The following GLIPR1L1 variants were observed in gnomAD, a reference collection of about 807,000 sequenced individuals.
GLIPR1L1 encodes GLIPR1 like 1, also known as GLIPR1-like protein 1.
A neutral mutation model predicts 29.9 loss-of-function variants in GLIPR1L1; 26 were observed. The ratio of observed to expected loss-of-function variants is 0.87; its 90% confidence interval spans 0.64 to 1.21. The LOEUF (loss-of-function observed/expected upper bound fraction) is 1.21. Ranked by LOEUF, GLIPR1L1 falls within the 50% of genes most tolerant of loss-of-function variation. GLIPR1L1 has a pLI of 0.00. For missense variants in GLIPR1L1, 305 were observed against 290.3 expected (o/e 1.05, Z -0.37); for synonymous variants, 77 against 97.5 (o/e 0.79, Z 1.24).
intron 3 of GLIPR1L1, among the ~76,000 whole-genome samples, chr12:75,355,455 A>G (rs1479024559): frequency 6.6e-6 from 1 of 152,192 alleles, no homozygotes; most frequent in African/African-American, 2.4e-5. Context: ...GGCAATTATT[A>G]AAAAGTCCAG....
At chr12:75,365,258 G>A (rs373658671) in intron 4 of GLIPR1L1, 26 of 152,204 alleles carry the variant, frequency 1.7e-4, no homozygotes, top group African/African-American at 6.0e-4. Flanking sequence ...CATGATTCTG[G>A]TTTTCCTGGA....
Position 75,350,853 on chromosome 12 carries a change from G to A in GLIPR1L1, c.521+3131G>A, listed in dbSNP as rs117941150. On this transcript the variant is annotated intron_variant, in intron 3 of 5. Transcript: ENST00000378695. The stretch of plus-strand genomic sequence containing the variant: ...GAACTGGGATGAGGCTGAGATGGAC[G>A]AATTGACAAAAATAGGGTTCAGAAG... Among the ~76,000 whole-genome samples, 467 of 152,234 alleles carry A rather than the reference G, an allele frequency of 3.1e-3. 8 individuals are homozygous for A. The East Asian group carries it at 0.052, about 17-fold the overall frequency.
chr12:75,356,439 A>G (rs2139511499), intron 3 of GLIPR1L1, among the ~76,000 whole-genome samples: 1 of 152,326 alleles, frequency 6.6e-6, no homozygotes, highest in African/African-American at 2.4e-5. Flanking sequence ...AACCACCTTG[A>G]AGTTCTTCTA....
rs558661520 is a variant in GLIPR1L1 at position 75,363,327 on chromosome 12, G to A, written c.610+137G>A. On this transcript the variant is annotated intron_variant, in intron 4 of 5. Coordinates refer to ENST00000378695, the MANE Select transcript of GLIPR1L1 (RefSeq NM_001304964.2). ...GTTGTTATCTTACGATATAAATCATGTCATAAATTGTAATACTTAAACTCA... is the reference window on the plus strand; with the variant it reads ...GTTGTTATCTTACGATATAAATCATATCATAAATTGTAATACTTAAACTCA... 56 of 401,058 alleles carry A rather than the reference G, an allele frequency of 1.4e-4. No individual in the cohort carries two copies. The South Asian group carries it at 4.5e-3, about 32-fold the overall frequency. The allele number at this position is 401,058 out of a possible 1,614,324, so 24.8% of individuals were successfully genotyped here.
intron 3 of GLIPR1L1, among the ~76,000 whole-genome samples, chr12:75,358,894 A>G (rs2043350620): frequency 7.0e-6 from 1 of 143,874 alleles, no homozygotes. Context: ...TATATATTAC[A>G]TATAATTATA....
chr12:75,348,195 CA>C (rs1373605321), intron 3 of GLIPR1L1, among the ~76,000 whole-genome samples: 1 of 152,034 alleles, frequency 6.6e-6, no homozygotes, highest in Admixed American at 6.6e-5. Flanking sequence ...AGGGAAACTC[CA>C]AAAATGAAAT....
At chr12:75,339,581 A>G (rs2041965259) in intron 1 of GLIPR1L1, among the ~76,000 whole-genome samples, 1 of 152,136 alleles carries the variant, frequency 6.6e-6, no homozygotes, top group South Asian at 2.1e-4. Flanking sequence ...GCCGTACAGA[A>G]GCTCTTTAAT....
At chr12:75,349,699 G>GA (rs1014292877) in intron 3 of GLIPR1L1, among the ~76,000 whole-genome samples, 2 of 152,034 alleles carry the variant, frequency 1.3e-5, no homozygotes, top group African/African-American at 2.4e-5. Context: ...AGACATTCCA[G>GA]AAAAAAAGAT....
At chr12:75,369,439 G>A in intron 4 of GLIPR1L1, 1 of 790,652 alleles carries the variant, frequency 1.3e-6, no homozygotes, top group Non-Finnish European at 1.5e-6. Flanking sequence ...ATACGTAGTA[G>A]AAGGTCAAAA....
At chr12:75,358,902 ATATAT>A (rs1019643160) in intron 3 of GLIPR1L1, among the ~76,000 whole-genome samples, 4 of 134,082 alleles carry the variant, frequency 3.0e-5, no homozygotes, top group African/African-American at 1.1e-4. Flanking sequence ...ACATATAATT[ATATAT>A]TATATTAGTA....
At chr12:75,369,854 C>T in intron 4 of GLIPR1L1, 106 bp from the exon 5 acceptor site, 2 of 1,332,114 alleles carry the variant, frequency 1.5e-6, no homozygotes, top group East Asian at 2.7e-5. Context: ...AAAAGTCAAA[C>T]TAATTTTTGT....
At chr12:75,346,280 G>C (rs1235561911) in intron 2 of GLIPR1L1, among the ~76,000 whole-genome samples, 1 of 152,074 alleles carries the variant, frequency 6.6e-6, no homozygotes, top group East Asian at 1.9e-4. Flanking sequence ...ACATTCAAAA[G>C]GAAAAATGCT....
intron 1 of GLIPR1L1, among the ~76,000 whole-genome samples, chr12:75,339,826 G>A (rs2041983715): frequency 2.0e-5 from 3 of 151,740 alleles, no homozygotes; most frequent in South Asian, 2.1e-4. Context: ...TTCTCCCAGC[G>A]GAAAAGTTAT....
chr12:75,339,374 GT>G (rs928035068), intron 1 of GLIPR1L1, among the ~76,000 whole-genome samples: 3 of 151,808 alleles, frequency 2.0e-5, no homozygotes, highest in Non-Finnish European at 2.9e-5. Flanking sequence ...TTTTTCATTT[GT>G]TTTTTTGGCC....
chr12:75,335,448 A>C (rs1374746073), intron 1 of GLIPR1L1, among the ~76,000 whole-genome samples: 1 of 152,214 alleles, frequency 6.6e-6, no homozygotes, highest in Non-Finnish European at 1.5e-5. Flanking sequence ...AATTTTAAAT[A>C]CTTGACTATG....
chr12:75,367,453 C>G (rs1291206312), intron 4 of GLIPR1L1, among the ~76,000 whole-genome samples: 1 of 151,970 alleles, frequency 6.6e-6, no homozygotes, highest in African/African-American at 2.4e-5. Flanking sequence ...AATACGAATA[C>G]ACACATTAGC....
chr12:75,369,153 A>C (rs1037153358), intron 4 of GLIPR1L1, among the ~76,000 whole-genome samples: 1 of 151,992 alleles, frequency 6.6e-6, no homozygotes, highest in African/African-American at 2.4e-5. Context: ...GATTAAGCGT[A>C]TTAAATATGA....
intron 2 of GLIPR1L1, among the ~76,000 whole-genome samples, chr12:75,346,380 G>C (rs2042446411): frequency 6.6e-6 from 1 of 152,014 alleles, no homozygotes; most frequent in Non-Finnish European, 1.5e-5. Context: ...CACAAAGATG[G>C]CTGAAAGCAA....
intron 1 of GLIPR1L1, among the ~76,000 whole-genome samples, chr12:75,339,248 C>A (rs1351234550): frequency 6.6e-6 from 1 of 152,094 alleles, no homozygotes; most frequent in Non-Finnish European, 1.5e-5. Context: ...TTTTTTCCCG[C>A]AACACTGCCA....
Sources: allele counts gnomAD v4.1 joint callset (sites outside exome capture counted in the v4.1 genomes callset), GRCh38; gene constraint gnomAD v4.1.1; transcripts MANE v1.5; gene names NCBI Gene and HGNC (gene_info 2026-07-23, HGNC 2026-07-21).